MGAT4C: variants seen among roughly 807,000 people sequenced by gnomAD.
The protein encoded by MGAT4C is MGAT4 family member C.
In MGAT4C, 19 loss-of-function variants were observed where a neutral mutation model predicts 40.1. The observed-to-expected ratio is 0.47, with a 90% CI of 0.33 to 0.70. The LOEUF (loss-of-function observed/expected upper bound fraction) is 0.70, where lower values mean the gene tolerates loss of function less well. Ranked by LOEUF, MGAT4C falls within the 30% of genes least tolerant of loss-of-function variation. MGAT4C has a pLI of 0.02. For synonymous variants in MGAT4C, 181 were observed against 187.1 expected (o/e 0.97, Z 0.27); for missense variants, 491 against 563.2 (o/e 0.87, Z 1.30).
At chr12:86,752,891 C>A (rs1270535226) in intron 1 of MGAT4C, among the ~76,000 whole-genome samples, 1 of 152,014 alleles carries the variant, frequency 6.6e-6, no homozygotes, top group Non-Finnish European at 1.5e-5. Flanking sequence ...TCACCATACA[C>A]AAAAATTTAT....
intron 1 of MGAT4C, among the ~76,000 whole-genome samples, chr12:86,174,356 A>G (rs550461271): frequency 1.3e-5 from 2 of 152,196 alleles, no homozygotes; most frequent in Middle Eastern, 6.8e-3. Flanking sequence ...AGTTGTTTTA[A>G]TCTTAACAGT....
intron 2 of MGAT4C, among the ~76,000 whole-genome samples, chr12:86,659,034 T>TGTG (rs1963917776): frequency 6.6e-6 from 1 of 152,134 alleles, no homozygotes; most frequent in Non-Finnish European, 1.5e-5. Flanking sequence ...TTAGCAATAA[T>TGTG]TAAATGTTTA....
rs571811509 is a variant in MGAT4C at position 86,324,893 on chromosome 12, A to G, written c.-57+9172T>C. On this transcript the variant is annotated intron_variant, in intron 4 of 7. Coordinates refer to the MGAT4C transcript ENST00000548651. ...TGACAATTGTTTGTTTTTCCCAAAT[A>G]ACCACTTCCTAATGATTATTATTGA... 2.0e-5 allele frequency among the ~76,000 whole-genome samples: 3 copies of G among 152,288 alleles called. No individual in the cohort carries two copies. In the East Asian group the frequency reaches 5.8e-4, roughly 29 times the overall value.
At chr12:86,407,479 A>G (rs1223646147) in intron 3 of MGAT4C, among the ~76,000 whole-genome samples, 2 of 152,082 alleles carry the variant, frequency 1.3e-5, no homozygotes, top group Non-Finnish European at 2.9e-5. Flanking sequence ...AATATTAGGT[A>G]TGCAGACCTC....
In MGAT4C at chr12:86,638,297, T is replaced by C. The variant is rs528523160; in HGVS notation, c.-229+88912A>G. On this transcript the variant is annotated intron_variant, in intron 2 of 7. Coordinates refer to the MGAT4C transcript ENST00000548651. ...GCTTTGTTGAGCAGGCACTTTCCTA[T>C]GAGAAAGGCTTTTAGACATTACCCT... Among the ~76,000 whole-genome samples the C allele has an allele frequency of 3.9e-5, 6 of 151,934 alleles. No homozygotes were observed. The South Asian group carries it at 1.0e-3, about 26-fold the overall frequency.
intron 3 of MGAT4C, among the ~76,000 whole-genome samples, chr12:86,386,730 G>C (rs1052354951): frequency 1.3e-5 from 2 of 152,086 alleles, no homozygotes; most frequent in African/African-American, 4.8e-5. Flanking sequence ...AAAATATTAT[G>C]GAATAAGGTT....
intron 1 of MGAT4C, among the ~76,000 whole-genome samples, chr12:86,740,649 G>C (rs1414640503): frequency 2.0e-5 from 3 of 151,074 alleles, no homozygotes; most frequent in African/African-American, 7.3e-5. Flanking sequence ...TCTATAATAG[G>C]TTTCTCAGAA....
At chr12:86,275,577 T>C (rs370205720) in intron 4 of MGAT4C, among the ~76,000 whole-genome samples, 1 of 152,194 alleles carries the variant, frequency 6.6e-6, no homozygotes, top group Non-Finnish European at 1.5e-5. Flanking sequence ...GGAGAGATTA[T>C]ACAAATTGAT....
intron 3 of MGAT4C, among the ~76,000 whole-genome samples, chr12:86,427,502 C>T (rs1956952439): frequency 6.6e-6 from 1 of 151,860 alleles, no homozygotes; most frequent in Admixed American, 6.6e-5. Flanking sequence ...TTCTCCCATC[C>T]ACCTTACACA....
intron 2 of MGAT4C, among the ~76,000 whole-genome samples, chr12:86,568,390 T>G (rs1960221906): frequency 6.6e-6 from 1 of 152,026 alleles, no homozygotes; most frequent in Non-Finnish European, 1.5e-5. Flanking sequence ...ACTAGTGGTC[T>G]GCCAGAGGCT....
At chr12:86,813,955 G>A (rs1952530200) in intron 1 of MGAT4C, among the ~76,000 whole-genome samples, 1 of 151,578 alleles carries the variant, frequency 6.6e-6, no homozygotes, top group South Asian at 2.1e-4. Context: ...CTGTTGCCTA[G>A]GCTAGAGTGC....
intron 1 of MGAT4C, among the ~76,000 whole-genome samples, chr12:86,063,577 G>A (rs573207756): frequency 1.3e-5 from 2 of 152,166 alleles, no homozygotes; most frequent in East Asian, 1.9e-4. Flanking sequence ...GACACAGACC[G>A]ACAAACTGGA....
chr12:86,604,542 A>G (rs1593035924), intron 2 of MGAT4C, among the ~76,000 whole-genome samples: 1 of 152,254 alleles, frequency 6.6e-6, no homozygotes, highest in East Asian at 1.9e-4. Flanking sequence ...ATACACATAA[A>G]GTTATTCCCC....
intron 3 of MGAT4C, among the ~76,000 whole-genome samples, chr12:86,361,477 T>C (rs1395436127): frequency 1.3e-5 from 2 of 152,142 alleles, no homozygotes; most frequent in East Asian, 1.9e-4. Flanking sequence ...AAAGCCAAAA[T>C]TGACAAATGG....
intron 2 of MGAT4C, chr12:86,015,861 A>T (rs1219185553): frequency 6.6e-6 from 1 of 152,198 alleles, no homozygotes; most frequent in Non-Finnish European, 1.5e-5. Flanking sequence ...TGCACAATTG[A>T]GCATCCCTGT....
chr12:86,200,825 G>A (rs1950025189), intron 1 of MGAT4C, among the ~76,000 whole-genome samples: 1 of 152,092 alleles, frequency 6.6e-6, no homozygotes, highest in Non-Finnish European at 1.5e-5. Flanking sequence ...CGTTAAATCA[G>A]GTCATGAAAG....
intron 2 of MGAT4C, among the ~76,000 whole-genome samples, chr12:86,696,713 T>C (rs1173762014): frequency 6.6e-6 from 1 of 152,204 alleles, no homozygotes; most frequent in East Asian, 1.9e-4. Context: ...GATTTTGATT[T>C]AGCTTCCCTT....
rs369762847 is a variant in MGAT4C at position 86,530,691 on chromosome 12, T to C, written c.-228-95426A>G. Among the ~76,000 whole-genome samples the C allele has an allele frequency of 3.9e-5, 6 of 152,026 alleles. No homozygotes were observed. In the East Asian group the frequency reaches 9.6e-4, roughly 24 times the overall value. On this transcript the variant is annotated intron_variant, in intron 2 of 7. Transcript: ENST00000548651. ...ACTCATGTTTCAAAAAGCAATATAGTAGCCTGAACAAATCCATATAACATA... is the reference window on the plus strand; with the variant it reads ...ACTCATGTTTCAAAAAGCAATATAGCAGCCTGAACAAATCCATATAACATA...
intron 2 of MGAT4C, among the ~76,000 whole-genome samples, chr12:86,669,249 C>T (rs1307957158): frequency 6.6e-6 from 1 of 151,956 alleles, no homozygotes; most frequent in Non-Finnish European, 1.5e-5. Flanking sequence ...GATTCTCAGG[C>T]ATTTGAAGCA....
Sources: gnomAD v4.1 joint callset for allele counts (sites outside exome capture counted in the v4.1 genomes callset) on GRCh38, gnomAD v4.1.1 for gene constraint, MANE v1.5 for transcripts, NCBI Gene and HGNC (gene_info 2026-07-23, HGNC 2026-07-21) for gene names.